CRYGS: variants seen among roughly 807,000 people sequenced by gnomAD.
CRYGS encodes gamma-crystallin S.
CRYGS carries 13 observed loss-of-function variants against 21.3 expected under a neutral mutation model. The ratio of observed to expected loss-of-function variants is 0.61; its 90% CI spans 0.40 to 0.97. CRYGS has a LOEUF of 0.97. Among genes scored for constraint, CRYGS ranks in the 50% least tolerant of loss-of-function variants. The probability of loss-of-function intolerance (pLI) is 0.00; values close to 1 mark genes in which losing one functional copy is unlikely to be tolerated. For missense variants in CRYGS, 205 were observed against 229.7 expected (o/e 0.89, Z 0.69); for synonymous variants, 67 against 75.0 (o/e 0.89, Z 0.55).
At chr3:186,543,190 A>T (rs943778355) in intron 1 of CRYGS, among the ~76,000 whole-genome samples, 2 of 152,150 alleles carry the variant, frequency 1.3e-5, no homozygotes, top group African/African-American at 4.8e-5. Flanking sequence ...AACAACAACA[A>T]AAAGGGTAGA....
Position 186,544,243 on chromosome 3 carries a change from CTG to C in CRYGS, c.21+61_21+62del, listed in dbSNP as rs768134063. On this transcript the variant is annotated intron_variant, in intron 1 of 2. Coordinates refer to ENST00000307944, the MANE Select transcript of CRYGS (RefSeq NM_017541.4). ...TCTAGGCAAAGAAGCAAAAGCTTTT[CTG>C]TGTGTTGAATGCATCATTAGGTGAA... 1.7e-4 allele frequency: 195 copies of C among 1,153,130 alleles called. 2 individuals carry two copies. Among genetic ancestry groups the C allele is most frequent in the South Asian group, 4.6e-4 (38 of 81,822 alleles). The allele number at this position is 1,153,130 out of a possible 1,614,324, so 71.4% of individuals were successfully genotyped here. A position where few individuals can be genotyped will look rare whatever the true frequency, so the allele number is the denominator to read the frequency against.
At chr3:186,540,481 T>C (rs895700392) in intron 1 of CRYGS, 7 of 152,242 alleles carry the variant, frequency 4.6e-5, no homozygotes, top group African/African-American at 1.7e-4. Flanking sequence ...ACAGAGTTCC[T>C]AGGAACTCCC....
Position 186,544,353 on chromosome 3 carries a change from G to A in CRYGS, c.-27C>T. 4 of 1,560,846 alleles carry A rather than the reference G, an allele frequency of 2.6e-6. No homozygotes were observed. Among genetic ancestry groups the A allele is most frequent in the Non-Finnish European group, 3.5e-6 (4 of 1,131,508 alleles). On this transcript the variant is annotated 5_prime_UTR_variant, in exon 1 of 3. Coordinates refer to ENST00000307944, the MANE Select transcript of CRYGS (RefSeq NM_017541.4). ...TTTGGTGCATAGACTGGTTTTCCCA[G>A]TGCTGAAAGAAATTCAGGAATGGCT...
chr3:186,538,636 T>C lies in CRYGS; in HGVS notation c.*60A>G, dbSNP rs769689087. On this transcript the variant is annotated 3_prime_UTR_variant, in exon 3 of 3. Transcript: ENST00000307944. ...CAACTGTTTTATTGATGATGCCTAT[T>C]TGGACCACAAGGCCAGCCAGCATTT... The C allele has an allele frequency of 6.2e-7, 1 of 1,609,954 alleles. No homozygotes were observed. Among genetic ancestry groups the C allele is most frequent in the East Asian group, 2.2e-5 (1 of 44,860 alleles).
chr3:186,539,689 T>G lies in CRYGS; in HGVS notation c.22-92A>C, dbSNP rs989001509. On this transcript the variant is annotated intron_variant, in intron 1 of 2. Coordinates refer to ENST00000307944, the MANE Select transcript of CRYGS (RefSeq NM_017541.4). ...AGAACATAATGCCTACTTTAGAAAT[T>G]CCTTTCACCTCAATTTTGAGGAAAA... 2.2e-5 allele frequency: 32 copies of G among 1,487,158 alleles called. 1 individual carries two copies. In the South Asian group the frequency reaches 2.9e-4, roughly 14 times the overall value. The allele number at this position is 1,487,158 out of a possible 1,614,324, so 92.1% of individuals were successfully genotyped here.
intron 1 of CRYGS, chr3:186,540,594 T>C (rs1053101738): frequency 3.1e-5 from 5 of 160,132 alleles, no homozygotes; most frequent in East Asian, 1.9e-4. Context: ...TTCATCTTTT[T>C]TTTTTTTAAG....
chr3:186,541,118 A>G (rs887274354), intron 1 of CRYGS, among the ~76,000 whole-genome samples: 3 of 152,204 alleles, frequency 2.0e-5, no homozygotes, highest in Non-Finnish European at 4.4e-5. Flanking sequence ...AGAAAACAGT[A>G]AAGAACTTCA....
At chr3:186,543,287 G>T (rs6775719) in intron 1 of CRYGS, among the ~76,000 whole-genome samples, 30 of 152,076 alleles carry the variant, frequency 2.0e-4, no homozygotes, top group Admixed American at 1.9e-3. Context: ...ACTGGATCCT[G>T]TATTAGGGGA....
chr3:186,539,357 G>C lies in CRYGS; in HGVS notation c.262C>G (p.Leu88Val), dbSNP rs1294218035. 6.2e-7 allele frequency: 1 copy of C among 1,612,194 alleles called. No homozygotes were observed. Among genetic ancestry groups the C allele is most frequent in the Non-Finnish European group, 8.5e-7 (1 of 1,180,000 alleles). ...DRLSSCRAVH[L>V]PSGGQYKIQI... ...GAGTACACAGTCCCCAGACTCACCAGATGAACAGCTCTGCAGGAGCTGAGG... is the reference window on the plus strand; with the variant it reads ...GAGTACACAGTCCCCAGACTCACCACATGAACAGCTCTGCAGGAGCTGAGG... The change falls in exon 2 of 3, where the codon CTG becomes GTG. Residue 88 changes from leucine to valine, a missense_variant and splice_region_variant. Coordinates refer to ENST00000307944, the MANE Select transcript of CRYGS (RefSeq NM_017541.4).
chr3:186,540,148 GTATCA>G (rs1417583409), intron 1 of CRYGS: 1 of 155,590 alleles, frequency 6.4e-6, no homozygotes, highest in African/African-American at 2.4e-5. Flanking sequence ...ACATGAAAAT[GTATCA>G]TATCATGTTC....
intron 1 of CRYGS, among the ~76,000 whole-genome samples, chr3:186,543,891 C>A (rs1714124800): frequency 1.3e-5 from 2 of 152,144 alleles, no homozygotes; most frequent in South Asian, 4.1e-4. Context: ...TTGGCCCATC[C>A]ACTTTGGCCT....
chr3:186,538,637 T>A lies in CRYGS; in HGVS notation c.*59A>T, dbSNP rs1298752909. On this transcript the variant is annotated 3_prime_UTR_variant, in exon 3 of 3. Coordinates refer to ENST00000307944, the MANE Select transcript of CRYGS (RefSeq NM_017541.4). ...AACTGTTTTATTGATGATGCCTATT[T>A]GGACCACAAGGCCAGCCAGCATTTG... The A allele has an allele frequency of 6.2e-7, 1 of 1,609,866 alleles. No individual in the cohort carries two copies. Among genetic ancestry groups the A allele is most frequent in the Non-Finnish European group, 8.5e-7 (1 of 1,177,036 alleles).
Position 186,538,503 on chromosome 3 carries a change from T to C in CRYGS, c.*193A>G, listed in dbSNP as rs1713978336. 1.5e-6 allele frequency: 1 copy of C among 647,320 alleles called. No homozygotes were observed. Among genetic ancestry groups the C allele is most frequent in the African/African-American group, 1.8e-5 (1 of 54,800 alleles). 40.1% of individuals were successfully genotyped at this position (647,320 alleles called of 1,614,324 possible). On this transcript the variant is annotated 3_prime_UTR_variant, in exon 3 of 3. Transcript: ENST00000307944. ...TTGGCACAAAGATCTAGATTGGTGATCTGGCAGATGGGTAGCTTTGTGTGA... is the reference window on the plus strand; with the variant it reads ...TTGGCACAAAGATCTAGATTGGTGACCTGGCAGATGGGTAGCTTTGTGTGA...
At chr3:186,543,867 C>G (rs1714124517) in intron 1 of CRYGS, among the ~76,000 whole-genome samples, 1 of 152,186 alleles carries the variant, frequency 6.6e-6, no homozygotes, top group Admixed American at 6.5e-5. Context: ...AGATGTAGGA[C>G]TTTATTCACC....
At chr3:186,541,005 G>A (rs1400624119) in intron 1 of CRYGS, among the ~76,000 whole-genome samples, 2 of 152,166 alleles carry the variant, frequency 1.3e-5, no homozygotes, top group African/African-American at 2.4e-5. Flanking sequence ...GATTATGAGT[G>A]AGTTGGACTT....
In CRYGS at chr3:186,539,486, C is replaced by T. The variant is rs1166756677; in HGVS notation, c.133G>A (p.Gly45Ser). 1 of 1,613,588 alleles carries T rather than the reference C, an allele frequency of 6.2e-7. No individual in the cohort carries two copies. The highest frequency in any genetic ancestry group is 8.5e-7 in the Non-Finnish European group (1 of 1,180,028). ...GGCCTTTCATAAACAGCCCAGGTGCCTCCTTCCACTTTAATGGAGTTGCAG... is the reference window on the plus strand; with the variant it reads ...GGCCTTTCATAAACAGCCCAGGTGCTTCCTTCCACTTTAATGGAGTTGCAG... ...SRCNSIKVEGGTWAVYERPNF... is the reference protein window; with the variant it reads ...SRCNSIKVEGSTWAVYERPNF... Residue 45 changes from glycine (G) to serine (S), a missense_variant, in exon 2 of 3, where the codon GGC becomes AGC. Gly to Ser is a moderately conservative substitution (Grantham distance 56). Coordinates refer to ENST00000307944, the MANE Select transcript of CRYGS (RefSeq NM_017541.4).
At chr3:186,541,305 T>C (rs1308336461) in intron 1 of CRYGS, among the ~76,000 whole-genome samples, 2 of 152,156 alleles carry the variant, frequency 1.3e-5, no homozygotes, top group Admixed American at 1.3e-4. Flanking sequence ...TTTATCTCAA[T>C]TATTCTCTTT....
chr3:186,538,584 C>A lies in CRYGS; in HGVS notation c.*112G>T. The A allele has an allele frequency of 7.3e-7, 1 of 1,365,286 alleles. No homozygotes were observed. The highest frequency in any genetic ancestry group is 1.0e-6 in the Non-Finnish European group (1 of 966,658). The allele number at this position is 1,365,286 out of a possible 1,614,324, so 84.6% of individuals were successfully genotyped here. ...GTCCCTAGAAGCATTTAAGGAGAGG[C>A]ATTATAGTCAGCAGTGGGATGCATG... On this transcript the variant is annotated 3_prime_UTR_variant, in exon 3 of 3. Transcript: ENST00000307944.
chr3:186,542,973 GA>G (rs952182882), intron 1 of CRYGS, among the ~76,000 whole-genome samples: 43 of 150,872 alleles, frequency 2.9e-4, no homozygotes, highest in African/African-American at 9.2e-4. Flanking sequence ...ATTTTCCAAT[GA>G]AAAAAAAATC....
Sources: allele counts gnomAD v4.1 joint callset (sites outside exome capture counted in the v4.1 genomes callset), GRCh38; gene constraint gnomAD v4.1.1; transcripts MANE v1.5; gene names NCBI Gene and HGNC (gene_info 2026-07-23, HGNC 2026-07-21).